HYLS1: variants seen among roughly 807,000 people sequenced by gnomAD.
HYLS1 encodes centriolar and ciliogenesis-associated protein HYLS1.
A neutral mutation model predicts 29.4 loss-of-function variants in HYLS1; 25 were observed. The observed-to-expected ratio is 0.85, with a 90% confidence interval of 0.62 to 1.19. The LOEUF is 1.19. HYLS1 is among the 50% of genes most tolerant of loss of function. The pLI is 0.00. For synonymous variants in HYLS1, 128 were observed against 126.7 expected (o/e 1.01, Z -0.07); for missense variants, 352 against 365.1 (o/e 0.96, Z 0.29).
rs1944581424 is a variant in HYLS1, at chr11:125,896,139, C to T, written c.-25-3205C>T. On this transcript the variant is annotated intron_variant, in intron 2 of 2. Transcript: ENST00000425380. The stretch of plus-strand genomic sequence containing the variant: ...GAAATCAAATGCACGCTTAGTTTTT[C>T]CAGCTCCTGCTGAATTTTCTCTAAT... The T allele has an allele frequency of 1.2e-6, 2 of 1,614,070 alleles. No individual in the cohort carries two copies. Among genetic ancestry groups the T allele is most frequent in the African/African-American group, 1.3e-5 (1 of 74,924 alleles).
chr11:125,888,028 G>C (rs1269400389), intron 1 of HYLS1: 1 of 152,324 alleles, frequency 6.6e-6, no homozygotes, highest in Non-Finnish European at 1.5e-5. Context: ...CCGCCGCCGC[G>C]GTCTTTGCCC....
At chr11:125,898,384 T>C (rs572197095) in intron 2 of HYLS1, among the ~76,000 whole-genome samples, 1 of 152,222 alleles carries the variant, frequency 6.6e-6, no homozygotes, top group Non-Finnish European at 1.5e-5. Context: ...CAACTGAAGA[T>C]GCATTAAAAC....
upstream of HYLS1, among the ~76,000 whole-genome samples, chr11:125,885,460 TA>T (rs565140458): frequency 6.9e-6 from 1 of 145,378 alleles, no homozygotes; most frequent in African/African-American, 2.5e-5. Flanking sequence ...CAAAAAAAAT[TA>T]AAAAAAAAAG....
chr11:125,887,446 C>A (rs1202697292), upstream of HYLS1: 1 of 152,252 alleles, frequency 6.6e-6, no homozygotes, highest in Admixed American at 6.5e-5. Flanking sequence ...CTCAGCTAGG[C>A]GGGCTCGGAT....
chr11:125,885,214 G>A (rs1381699042), upstream of HYLS1, among the ~76,000 whole-genome samples: 1 of 152,226 alleles, frequency 6.6e-6, no homozygotes, highest in Non-Finnish European at 1.5e-5. Context: ...CACTTTGGGA[G>A]GTGGAGGCTG....
upstream of HYLS1, chr11:125,887,047 G>A (rs1159509475): frequency 6.6e-6 from 1 of 152,560 alleles, no homozygotes; most frequent in Admixed American, 6.5e-5. Context: ...AACGTGGGAG[G>A]AGCTGTGGAG....
intron 2 of HYLS1, chr11:125,896,289 T>C: frequency 1.9e-6 from 3 of 1,600,820 alleles, no homozygotes; most frequent in Non-Finnish European, 2.6e-6. Flanking sequence ...AGCCATGATA[T>C]GACAACCCCA....
intron 2 of HYLS1, chr11:125,894,402 A>C (rs1230365436): frequency 1.4e-6 from 1 of 724,738 alleles, no homozygotes; most frequent in African/African-American, 1.8e-5. Context: ...ATTGATGTTA[A>C]TATTGCCTAA....
chr11:125,888,100 C>G (rs891577974), intron 1 of HYLS1: 4 of 152,244 alleles, frequency 2.6e-5, no homozygotes, highest in Admixed American at 6.5e-5. Flanking sequence ...GGGGACGGCC[C>G]CAGGGCTGGA....
chr11:125,896,205 C>A (rs1242219731), intron 2 of HYLS1: 1 of 1,614,118 alleles, frequency 6.2e-7, no homozygotes, highest in South Asian at 1.1e-5. Context: ...CTTTTTAAGT[C>A]TTTGCACCTC....
chr11:125,885,019 G>A (rs568599214), upstream of HYLS1, among the ~76,000 whole-genome samples: 154 of 152,170 alleles, frequency 1.0e-3, no homozygotes, highest in African/African-American at 3.6e-3. Context: ...AAAATTGGAG[G>A]ACTAAGCAAT....
intron 2 of HYLS1, chr11:125,893,758 T>C: frequency 1.9e-6 from 3 of 1,568,460 alleles, no homozygotes; most frequent in Non-Finnish European, 2.6e-6. Flanking sequence ...ATTAGGTGGT[T>C]CCTAGATCCT....
At chr11:125,891,187 G>A (rs1231441732) in intron 1 of HYLS1, among the ~76,000 whole-genome samples, 2 of 152,144 alleles carry the variant, frequency 1.3e-5, no homozygotes, top group Admixed American at 1.3e-4. Flanking sequence ...TGTGATGACT[G>A]TCTTGACTTT....
At chr11:125,892,193 A>G (rs1375384913) in intron 2 of HYLS1, among the ~76,000 whole-genome samples, 2 of 152,238 alleles carry the variant, frequency 1.3e-5, no homozygotes, top group Non-Finnish European at 2.9e-5. Context: ...TAGTGACTAC[A>G]TAAGTCAAGA....
intron 2 of HYLS1, chr11:125,895,381 G>A: frequency 2.5e-6 from 4 of 1,614,142 alleles, no homozygotes; most frequent in Non-Finnish European, 3.4e-6. Context: ...TGACATAACT[G>A]GAAAGGTTCT....
chr11:125,889,574 A>C (rs1481144982), intron 1 of HYLS1, among the ~76,000 whole-genome samples: 4 of 152,138 alleles, frequency 2.6e-5, no homozygotes, highest in African/African-American at 7.2e-5. Context: ...TCTCTACTAA[A>C]AATAGAAGAA....
chr11:125,896,235 CTT>C, intron 2 of HYLS1: 1 of 1,613,826 alleles, frequency 6.2e-7, no homozygotes, highest in Non-Finnish European at 8.5e-7. Context: ...TTCTCGTACT[CTT>C]TTTAGGAGCT....
chr11:125,888,337 A>C (rs1944346857), intron 1 of HYLS1: 1 of 152,246 alleles, frequency 6.6e-6, no homozygotes, highest in Non-Finnish European at 1.5e-5. Flanking sequence ...GCAAAGAAAA[A>C]CATTAAGATA....
chr11:125,895,471 C>G (rs773552329), intron 2 of HYLS1: 2 of 1,614,024 alleles, frequency 1.2e-6, no homozygotes, highest in Non-Finnish European at 1.7e-6. Flanking sequence ...TTAATCACAC[C>G]GTTGGCTACA....
Sources: gnomAD v4.1 joint callset for allele counts (sites outside exome capture counted in the v4.1 genomes callset) on GRCh38, gnomAD v4.1.1 for gene constraint, MANE v1.5 for transcripts, NCBI Gene and HGNC (gene_info 2026-07-23, HGNC 2026-07-21) for gene names.